ERI3: variants seen among roughly 807,000 people sequenced by gnomAD.
ERI3 encodes ERI1 exoribonuclease 3.
A neutral mutation model predicts 44.4 loss-of-function variants in ERI3; 18 were observed. The ratio of observed to expected loss-of-function variants is 0.41; its 90% confidence interval spans 0.28 to 0.60. The LOEUF (loss-of-function observed/expected upper bound fraction) is 0.60. Among genes scored for constraint, ERI3 ranks in the 20% least tolerant of loss-of-function variants. The pLI, the probability that ERI3 is intolerant of heterozygous loss-of-function variation, is 0.36. For synonymous variants in ERI3, 183 were observed against 164.8 expected, an observed-to-expected ratio of 1.11 and a Z score of -0.84; for missense variants, 294 against 435.5, an observed-to-expected ratio of 0.68 and a Z score of 2.89.
chr1:44,281,997 C>T (rs1368897399), intron 7 of ERI3, among the ~76,000 whole-genome samples: 1 of 151,222 alleles, frequency 6.6e-6, no homozygotes, highest in Non-Finnish European at 1.5e-5. Context: ...GCCCCAAGTC[C>T]TGTCTAAGAT....
intron 7 of ERI3, among the ~76,000 whole-genome samples, chr1:44,265,326 T>TA (rs1291351102): frequency 6.6e-6 from 1 of 152,230 alleles, no homozygotes; most frequent in African/African-American, 2.4e-5. Context: ...GATATGCCTA[T>TA]ACAGCTGTAC....
chr1:44,299,709 C>T (rs1323885054), intron 6 of ERI3, among the ~76,000 whole-genome samples: 1 of 152,040 alleles, frequency 6.6e-6, no homozygotes, highest in Admixed American at 6.5e-5. Flanking sequence ...GTTCAAAATA[C>T]AAAAGAGTAG....
At chr1:44,342,535 TAC>T (rs139623145) in intron 2 of ERI3, among the ~76,000 whole-genome samples, 1 of 150,950 alleles carries the variant, frequency 6.6e-6, no homozygotes. Context: ...GATAGATGGA[TAC>T]ACACACACAC....
intron 6 of ERI3, among the ~76,000 whole-genome samples, chr1:44,294,352 T>C (rs1212218868): frequency 6.6e-6 from 1 of 152,216 alleles, no homozygotes; most frequent in Non-Finnish European, 1.5e-5. Context: ...CCCTGATCCA[T>C]GGCTCTTTAT....
chr1:44,259,485 T>C (rs1051377668), intron 7 of ERI3, among the ~76,000 whole-genome samples: 5 of 152,170 alleles, frequency 3.3e-5, no homozygotes, highest in Non-Finnish European at 7.3e-5. Flanking sequence ...TACTGTTTCC[T>C]AAGGCCATTC....
chr1:44,301,692 C>T (rs988205356), intron 6 of ERI3, among the ~76,000 whole-genome samples: 3 of 152,172 alleles, frequency 2.0e-5, no homozygotes, highest in East Asian at 1.9e-4. Flanking sequence ...GTTCTGGGCA[C>T]GCTATTCTAC....
At chr1:44,244,385 A>G (rs2799477) in intron 8 of ERI3, 65,301 of 152,706 alleles carry the variant, frequency 0.43, 15,885 homozygotes, top group African/African-American at 0.68. Context: ...CATCACCTCC[A>G]GACCCTCCTT....
At chr1:44,253,602 C>CT (rs1164820373) in intron 7 of ERI3, among the ~76,000 whole-genome samples, 1 of 152,220 alleles carries the variant, frequency 6.6e-6, no homozygotes, top group Non-Finnish European at 1.5e-5. Flanking sequence ...ACCATCAAGA[C>CT]TAAGTCTCTG....
At chr1:44,264,648 A>G (rs1644955753) in intron 7 of ERI3, among the ~76,000 whole-genome samples, 1 of 152,184 alleles carries the variant, frequency 6.6e-6, no homozygotes, top group African/African-American at 2.4e-5. Flanking sequence ...CAAGGACGGC[A>G]AAGTGTGAAG....
At chr1:44,318,425 C>T (rs544040398) in intron 4 of ERI3, among the ~76,000 whole-genome samples, 1 of 152,310 alleles carries the variant, frequency 6.6e-6, no homozygotes, top group East Asian at 1.9e-4. Flanking sequence ...GTCAGATTAG[C>T]GCCCCCTGGT....
intron 8 of ERI3, among the ~76,000 whole-genome samples, chr1:44,229,985 C>T (rs546049609): frequency 1.4e-4 from 21 of 152,224 alleles, no homozygotes; most frequent in Non-Finnish European, 2.8e-4. Flanking sequence ...GGACCACTCA[C>T]GCGACTCCCA....
intron 8 of ERI3, among the ~76,000 whole-genome samples, chr1:44,236,465 G>T (rs1408182675): frequency 6.6e-6 from 1 of 152,190 alleles, no homozygotes; most frequent in African/African-American, 2.4e-5. Context: ...GGGAAAGGGG[G>T]ACTTGATCAA....
At chr1:44,334,535 C>T (rs1371525144) in intron 3 of ERI3, among the ~76,000 whole-genome samples, 1 of 152,154 alleles carries the variant, frequency 6.6e-6, no homozygotes, top group African/African-American at 2.4e-5. Context: ...AATTTGGACC[C>T]TCTAAAACAT....
chr1:44,319,260 T>C (rs1379070646), intron 4 of ERI3, among the ~76,000 whole-genome samples: 1 of 152,258 alleles, frequency 6.6e-6, no homozygotes, highest in Non-Finnish European at 1.5e-5. Flanking sequence ...TAAGAAGGCC[T>C]GAACATAACC....
intron 7 of ERI3, among the ~76,000 whole-genome samples, chr1:44,278,025 AATAAT>A (rs1227824058): frequency 2.6e-5 from 4 of 152,214 alleles, no homozygotes; most frequent in East Asian, 3.8e-4. Flanking sequence ...AAATTATTTT[AATAAT>A]ATATTTTATT....
chr1:44,236,127 T>C (rs1644297990), intron 8 of ERI3, among the ~76,000 whole-genome samples: 1 of 152,180 alleles, frequency 6.6e-6, no homozygotes, highest in Non-Finnish European at 1.5e-5. Context: ...GAATTAATCA[T>C]GAGGACTAAT....
chr1:44,263,840 T>A (rs940633776), intron 7 of ERI3, among the ~76,000 whole-genome samples: 2 of 152,220 alleles, frequency 1.3e-5, no homozygotes, highest in African/African-American at 4.8e-5. Context: ...CCTCCCAAGA[T>A]AAGCCACCAC....
chr1:44,295,212 G>A (rs574271736), intron 6 of ERI3, among the ~76,000 whole-genome samples: 3 of 152,176 alleles, frequency 2.0e-5, no homozygotes, highest in Admixed American at 1.3e-4. Context: ...AATGGGAGAG[G>A]AAGAATGGGC....
intron 6 of ERI3, among the ~76,000 whole-genome samples, chr1:44,304,951 C>T (rs1359400826): frequency 6.6e-6 from 1 of 152,176 alleles, no homozygotes; most frequent in Non-Finnish European, 1.5e-5. Context: ...CTTCCTGCTC[C>T]AAAACTGAGG....
Sources: allele counts gnomAD v4.1 joint callset (sites outside exome capture counted in the v4.1 genomes callset), GRCh38; gene constraint gnomAD v4.1.1; transcripts MANE v1.5; gene names NCBI Gene and HGNC (gene_info 2026-07-23, HGNC 2026-07-21).